The following PIP4K2B variants were observed in gnomAD, a reference collection of about 807,000 sequenced individuals.
PIP4K2B encodes the protein phosphatidylinositol-5-phosphate 4-kinase type 2 beta, also known as phosphatidylinositol 5-phosphate 4-kinase type-2 beta.
Under a neutral mutation model 42.0 loss-of-function variants are expected in PIP4K2B, and 3 were observed. The observed-to-expected ratio is 0.07, with a 90% CI of 0.03 to 0.18. The LOEUF (loss-of-function observed/expected upper bound fraction) is 0.18. Among genes scored for constraint, PIP4K2B ranks in the 10% least tolerant of loss-of-function variants. PIP4K2B has a pLI of 1.00. For missense variants in PIP4K2B, 332 were observed against 562.3 expected (o/e 0.59, Z 4.14); for synonymous variants, 204 against 210.1 (o/e 0.97, Z 0.25).
chr17:38,785,817 T>G (rs1909978492), intron 2 of PIP4K2B, among the ~76,000 whole-genome samples: 1 of 152,196 alleles, frequency 6.6e-6, no homozygotes, highest in Non-Finnish European at 1.5e-5. Context: ...CCAGAGGCCA[T>G]GGACCCTGAA....
chr17:38,785,494 T>G (rs1346590430), intron 2 of PIP4K2B, among the ~76,000 whole-genome samples: 1 of 152,034 alleles, frequency 6.6e-6, no homozygotes, highest in Non-Finnish European at 1.5e-5. Flanking sequence ...CTGGCCAACA[T>G]GGTGAAACCC....
chr17:38,787,595 C>G (rs976556227), intron 1 of PIP4K2B, among the ~76,000 whole-genome samples: 1 of 152,086 alleles, frequency 6.6e-6, no homozygotes, highest in African/African-American at 2.4e-5. Context: ...ATTTATCTTT[C>G]TTTTTCTTTT....
Position 38,768,908 on chromosome 17 carries a change from G to A in PIP4K2B, c.*783C>T, listed in dbSNP as rs1330604018. On this transcript the variant is annotated 3_prime_UTR_variant, in exon 10 of 10. Coordinates refer to ENST00000619039, the MANE Select transcript of PIP4K2B (RefSeq NM_003559.5). ...CTGGGGCTTGGGTGATCATCACAGG[G>A]TTCTCTGAGAACCAGGTGTCCAAGA... is the stretch of plus-strand genomic sequence containing the variant. 6.6e-6 allele frequency: 1 copy of A among 152,564 alleles called. No homozygotes were observed. Among genetic ancestry groups the A allele is most frequent in the African/African-American group, 2.4e-5 (1 of 41,420 alleles). 9.5% of individuals were successfully genotyped at this position (152,564 alleles called of 1,614,324 possible).
At chr17:38,788,686 A>C (rs1369575415) in intron 1 of PIP4K2B, among the ~76,000 whole-genome samples, 2 of 151,352 alleles carry the variant, frequency 1.3e-5, no homozygotes, top group African/African-American at 4.9e-5. Flanking sequence ...GCAAGACCCT[A>C]TCTCTAAAAA....
At chr17:38,797,693 C>A (rs1160097381) in intron 1 of PIP4K2B, among the ~76,000 whole-genome samples, 1 of 152,180 alleles carries the variant, frequency 6.6e-6, no homozygotes, top group Admixed American at 6.5e-5. Flanking sequence ...AGAAACAGAA[C>A]CAGCAGAGAG....
chr17:38,777,861 A>C (rs1909452663), intron 6 of PIP4K2B, 61 bp from the exon 7 acceptor site: 2 of 1,208,236 alleles, frequency 1.7e-6, no homozygotes. Context: ...GGGACACCCA[A>C]CTGTTCTGCC....
At chr17:38,785,513 C>A (rs1909957895) in intron 2 of PIP4K2B, among the ~76,000 whole-genome samples, 2 of 152,100 alleles carry the variant, frequency 1.3e-5, no homozygotes, top group Non-Finnish European at 1.5e-5. Flanking sequence ...CCCATCTCTA[C>A]TAAAAATACA....
Position 38,775,833 on chromosome 17 carries a change from G to A in PIP4K2B, c.807+1854C>T, listed in dbSNP as rs1909308130. Among the ~76,000 whole-genome samples the A allele has an allele frequency of 2.0e-5, 3 of 151,888 alleles. No homozygotes were observed. The South Asian group carries it at 6.2e-4, about 32-fold the overall frequency. ...AGATCGCACCACTGCACTCCAGCCT[G>A]GCAACAGAGCGAGACTCTGTCTCAA... On this transcript the variant is annotated intron_variant, in intron 7 of 9. Transcript: ENST00000619039.
rs570311434 is a variant in PIP4K2B at position 38,780,566 on chromosome 17, G to T, written c.393C>A (p.Ser131Arg). ...VTRSAPINSD[S>R]QGRCGTRFLT... The stretch of plus-strand genomic sequence containing the variant: ...GGAAACGCGTGCCACACCGACCCTG[G>T]CTGTCACTGTTGATGGGGGCGCTGC... The change falls in exon 4 of 10, where the codon AGC (serine) becomes AGA (arginine). Residue 131 changes from serine to arginine, a missense_variant. Physicochemically the swap from Ser to Arg is moderately radical, Grantham distance 110. This residue lies in a region of PIP4K2B where 186 missense variants were observed against 288.4 expected (regional missense o/e 0.64). Transcript: ENST00000619039. The T allele has an allele frequency of 1.9e-6, 3 of 1,613,398 alleles. No individual in the cohort carries two copies. The African/African-American group carries it at 4.0e-5, about 22-fold the overall frequency.
rs1445570640 is a variant in PIP4K2B, at chr17:38,783,732, G to A, written c.354+511C>T. On this transcript the variant is annotated intron_variant, in intron 3 of 9. Coordinates refer to ENST00000619039, the MANE Select transcript of PIP4K2B (RefSeq NM_003559.5). ...TCTCCTGCCTCAGCCTCCAGAGTAG[G>A]TGGGACTATAGGCGCACATCACCAT... Among the ~76,000 whole-genome samples, 10 of 152,024 alleles carry A rather than the reference G, an allele frequency of 6.6e-5. No homozygotes were observed. In the East Asian group the frequency reaches 1.3e-3, roughly 21 times the overall value.
chr17:38,794,609 T>TAAAAAA, intron 1 of PIP4K2B, among the ~76,000 whole-genome samples: 3 of 34,252 alleles, frequency 8.8e-5, no homozygotes, highest in Non-Finnish European at 1.5e-4. Flanking sequence ...CCCAATTCAT[T>TAAAAAA]AAAAAAAAAA....
intron 2 of PIP4K2B, among the ~76,000 whole-genome samples, chr17:38,784,826 C>A (rs1909921307): frequency 6.6e-6 from 1 of 152,174 alleles, no homozygotes; most frequent in Admixed American, 6.5e-5. Context: ...ACCCGCTGGG[C>A]CATAAGCCTG....
At position 38,766,826 on chromosome 17, in the gene PIP4K2B, G is replaced by A. The variant is rs533888642; in HGVS notation, c.*2865C>T. 6.5e-6 allele frequency: 1 copy of A among 152,936 alleles called. No individual in the cohort carries two copies. Among genetic ancestry groups the A allele is most frequent in the Non-Finnish European group, 1.5e-5 (1 of 68,176 alleles). 9.5% of individuals were successfully genotyped at this position (152,936 alleles called of 1,614,324 possible). ...TGCTGGGGGACTCAAAGACCCAGAG[G>A]TTAATTAACAGGAACCAGGGCCAGG... On this transcript the variant is annotated 3_prime_UTR_variant, in exon 10 of 10. Coordinates refer to ENST00000619039, the MANE Select transcript of PIP4K2B (RefSeq NM_003559.5).
chr17:38,790,686 T>C (rs908552677), intron 1 of PIP4K2B, among the ~76,000 whole-genome samples: 1 of 152,158 alleles, frequency 6.6e-6, no homozygotes, highest in African/African-American at 2.4e-5. Context: ...CTCGAATTCC[T>C]GACCTCGTGA....
chr17:38,773,718 A>G (rs1294304627), intron 7 of PIP4K2B, among the ~76,000 whole-genome samples: 1 of 152,122 alleles, frequency 6.6e-6, no homozygotes, highest in Non-Finnish European at 1.5e-5. Flanking sequence ...TAAAGATGGG[A>G]GCCCAGCAGG....
intron 1 of PIP4K2B, among the ~76,000 whole-genome samples, chr17:38,787,273 A>G (rs889406986): frequency 6.6e-6 from 1 of 152,154 alleles, no homozygotes; most frequent in East Asian, 1.9e-4. Flanking sequence ...TTGGCCTCCC[A>G]AATTATTGGG....
chr17:38,779,917 C>T (rs1048714716), intron 4 of PIP4K2B: 3 of 214,232 alleles, frequency 1.4e-5, no homozygotes, highest in Admixed American at 5.2e-5. Flanking sequence ...CAGAGGCAGG[C>T]CAGGGATCCA....
At chr17:38,778,809 G>A (rs1027621503) in intron 5 of PIP4K2B, among the ~76,000 whole-genome samples, 1 of 152,186 alleles carries the variant, frequency 6.6e-6, no homozygotes, top group African/African-American at 2.4e-5. Flanking sequence ...AGCTCAGAAG[G>A]GTAAGGAGGA....
chr17:38,798,990 TG>T (rs1251055204), intron 1 of PIP4K2B, among the ~76,000 whole-genome samples: 3 of 151,914 alleles, frequency 2.0e-5, no homozygotes, highest in African/African-American at 7.3e-5. Context: ...TTGCGCTCCA[TG>T]GGCTGCCCCA....
Sources: allele counts gnomAD v4.1 joint callset (sites outside exome capture counted in the v4.1 genomes callset), GRCh38; gene constraint gnomAD v4.1.1; regional missense constraint gnomAD v4.1.1; transcripts MANE v1.5; gene names NCBI Gene and HGNC (gene_info 2026-07-23, HGNC 2026-07-21).